Variants in CCT6B observed in about 807,000 individuals in gnomAD.
The protein encoded by CCT6B is chaperonin containing TCP1 subunit 6B, also known as probable T-complex protein 1 subunit zeta-2.
In CCT6B, 49 loss-of-function variants were observed where a neutral mutation model predicts 61.5. That is an observed-to-expected ratio of 0.80 (90% CI 0.63 to 1.01). CCT6B has a LOEUF of 1.01. Among genes scored for constraint, CCT6B ranks in the 50% least tolerant of loss-of-function variants. The pLI is 0.00. For missense variants in CCT6B, 666 were observed against 634.7 expected (o/e 1.05, Z -0.53); for synonymous variants, 228 against 214.5 (o/e 1.06, Z -0.55).
chr17:34,955,711 T>C (rs2090340810), intron 3 of CCT6B, among the ~76,000 whole-genome samples: 1 of 152,220 alleles, frequency 6.6e-6, no homozygotes, highest in African/African-American at 2.4e-5. Context: ...TCCTTAATAA[T>C]CTTTAAAAGT....
intron 10 of CCT6B, among the ~76,000 whole-genome samples, chr17:34,934,631 C>T (rs1266242014): frequency 1.3e-5 from 2 of 152,100 alleles, no homozygotes; most frequent in Non-Finnish European, 2.9e-5. Context: ...ACCTTTATAG[C>T]CCTACGTCTA....
Position 34,936,424 on chromosome 17 carries a change from A to G in CCT6B, c.1213+2759T>C, listed in dbSNP as rs564638398. Reference sequence around the variant, plus strand: ...ATTCTCATTATTTCTAGTCAACATTATACTGGAGGTTCTGGCCCATGAAAT... The same window carrying G: ...ATTCTCATTATTTCTAGTCAACATTGTACTGGAGGTTCTGGCCCATGAAAT... On this transcript the variant is annotated intron_variant, in intron 10 of 13. Transcript: ENST00000314144. 5.9e-5 allele frequency among the ~76,000 whole-genome samples: 9 copies of G among 152,328 alleles called. No individual in the cohort carries two copies. In the East Asian group the frequency reaches 1.7e-3, roughly 29 times the overall value.
At chr17:34,935,312 T>C (rs186160093) in intron 10 of CCT6B, among the ~76,000 whole-genome samples, 238 of 152,262 alleles carry the variant, frequency 1.6e-3, no homozygotes, top group African/African-American at 5.4e-3. Context: ...GGAAAAAAAG[T>C]TCTGGAGATG....
chr17:34,937,330 C>T (rs1232652670), intron 10 of CCT6B, among the ~76,000 whole-genome samples: 1 of 151,822 alleles, frequency 6.6e-6, no homozygotes, highest in Non-Finnish European at 1.5e-5. Flanking sequence ...TATTATAAAG[C>T]TACAGTCGTC....
chr17:34,939,516 T>C, intron 9 of CCT6B, 101 bp downstream of exon 9: 1 of 889,214 alleles, frequency 1.1e-6, no homozygotes, highest in Non-Finnish European at 1.8e-6. Flanking sequence ...GTGAATTAGA[T>C]CTCAAAACAC....
At chr17:34,946,323 C>G (rs991529559) in intron 5 of CCT6B, among the ~76,000 whole-genome samples, 1 of 152,002 alleles carries the variant, frequency 6.6e-6, no homozygotes, top group Non-Finnish European at 1.5e-5. Context: ...GAGTGAGAAC[C>G]AGTAAAATAT....
rs926051372 is a variant in CCT6B, at chr17:34,939,073, G to T, written c.1213+110C>A. On this transcript the variant is annotated intron_variant, in intron 10 of 13. Transcript: ENST00000314144. ...CACTAAAGCCTGGGCAACAGAGGAA[G>T]ACTCTGTCTAAAAATATACATATAT... The T allele has an allele frequency of 4.5e-6, 4 of 890,696 alleles. No individual in the cohort carries two copies. The East Asian group carries it at 1.1e-4, about 24-fold the overall frequency. The allele number at this position is 890,696 out of a possible 1,614,324, so 55.2% of individuals were successfully genotyped here. A position where few individuals can be genotyped will look rare whatever the true frequency, so the allele number is the denominator to read the frequency against.
chr17:34,937,731 C>T (rs1413162176), intron 10 of CCT6B, among the ~76,000 whole-genome samples: 1 of 152,098 alleles, frequency 6.6e-6, no homozygotes. Context: ...AAATTAAGAA[C>T]TTCTCTTTGA....
chr17:34,937,704 T>C (rs11080314), intron 10 of CCT6B, among the ~76,000 whole-genome samples: 31,455 of 151,932 alleles, frequency 0.21, 3,835 homozygotes, highest in East Asian at 0.56. Context: ...ATAAAAATAA[T>C]AAATTAGACT....
In CCT6B at chr17:34,930,963, ACGCCCACAAGTTG is replaced by A; in HGVS notation, c.1423_1435del (p.Gln475Ter). 1 of 1,593,020 alleles carries A rather than the reference ACGCCCACAAGTTG, an allele frequency of 6.3e-7. No individual in the cohort carries two copies. Among genetic ancestry groups the A allele is most frequent in the Non-Finnish European group, 8.6e-7 (1 of 1,163,178 alleles). On this transcript the variant is annotated frameshift_variant, in exon 12 of 14. Transcript: ENST00000314144. LOFTEE classifies it high-confidence loss of function. ...CACTTTCTTACCTGTATTCAAATCT[ACGCCCACAAGTTG>A]TTTTGACTCGACATGCTCAGCCTGA...
intron 5 of CCT6B, chr17:34,943,992 A>T (rs2090195796): frequency 6.6e-6 from 1 of 152,092 alleles, no homozygotes; most frequent in African/African-American, 2.4e-5. Context: ...ATTTCTACTT[A>T]TGAATCCTTT....
At chr17:34,944,550 C>G (rs2090202285) in intron 5 of CCT6B, 1 of 152,294 alleles carries the variant, frequency 6.6e-6, no homozygotes, top group Non-Finnish European at 1.5e-5. Flanking sequence ...CTCTCAGTTA[C>G]CATTCTCTCT....
chr17:34,958,238 G>C (rs961925040), intron 3 of CCT6B, among the ~76,000 whole-genome samples: 2 of 152,260 alleles, frequency 1.3e-5, no homozygotes, highest in South Asian at 2.1e-4. Flanking sequence ...GAGGTCAGGA[G>C]CTCAAGACCA....
At chr17:34,959,319 A>T (rs2090385185) in intron 2 of CCT6B, among the ~76,000 whole-genome samples, 1 of 139,634 alleles carries the variant, frequency 7.2e-6, no homozygotes, top group African/African-American at 2.7e-5. Flanking sequence ...TTTTGTAGAG[A>T]CGGTTTTCAC....
chr17:34,931,075 T>C lies in CCT6B; in HGVS notation c.1348-24A>G, dbSNP rs1214088372. 6 of 768,536 alleles carry C rather than the reference T, an allele frequency of 7.8e-6. No homozygotes were observed. The Admixed American group carries it at 1.9e-4, about 24-fold the overall frequency. The allele number at this position is 768,536 out of a possible 1,614,324, so 47.6% of individuals were successfully genotyped here. A position where few individuals can be genotyped will look rare whatever the true frequency, so the allele number is the denominator to read the frequency against. Reference sequence around the variant, plus strand: ...ACCTTTAGGAATAAAAATAATAATATATATTATATATATATGCATAATACC... The same window carrying C: ...ACCTTTAGGAATAAAAATAATAATACATATTATATATATATGCATAATACC... On this transcript the variant is annotated intron_variant, in intron 11 of 13. Coordinates refer to ENST00000314144, the MANE Select transcript of CCT6B (RefSeq NM_006584.4).
chr17:34,950,620 T>C (rs2090279857), intron 5 of CCT6B, among the ~76,000 whole-genome samples: 1 of 152,238 alleles, frequency 6.6e-6, no homozygotes, highest in Non-Finnish European at 1.5e-5. Context: ...TAATTAGTCC[T>C]ATAGCCATTA....
chr17:34,951,568 T>A (rs1320096746), intron 5 of CCT6B, among the ~76,000 whole-genome samples: 2 of 152,214 alleles, frequency 1.3e-5, no homozygotes, highest in African/African-American at 4.8e-5. Context: ...AGGCACACTG[T>A]AACAACCTAG....
chr17:34,945,739 GCTAA>G (rs1345632846), intron 5 of CCT6B, among the ~76,000 whole-genome samples: 2 of 152,062 alleles, frequency 1.3e-5, no homozygotes, highest in South Asian at 2.1e-4. Flanking sequence ...GCAATAGTAG[GCTAA>G]CTGAGATCAG....
At chr17:34,937,166 A>AT (rs1450496365) in intron 10 of CCT6B, among the ~76,000 whole-genome samples, 15 of 152,088 alleles carry the variant, frequency 9.9e-5, no homozygotes, top group Non-Finnish European at 1.9e-4. Flanking sequence ...TAAAAAAAAA[A>AT]GTTCTGATCA....
Sources: allele counts gnomAD v4.1 joint callset (sites outside exome capture counted in the v4.1 genomes callset), GRCh38; gene constraint gnomAD v4.1.1; transcripts MANE v1.5; gene names NCBI Gene and HGNC (gene_info 2026-07-23, HGNC 2026-07-21).